Variants in LRP1B observed in about 807,000 individuals in gnomAD.
LRP1B encodes low-density lipoprotein receptor-related protein 1B.
Under a neutral mutation model 556.6 loss-of-function variants are expected in LRP1B, and 217 were observed. The observed-to-expected ratio is 0.39, with a 90% CI of 0.35 to 0.44. LRP1B has a LOEUF of 0.44. LRP1B is among the 20% of genes least tolerant of loss of function. LRP1B has a pLI of 1.00. For synonymous variants in LRP1B, 2,047 were observed against 1,865.8 expected (o/e 1.10, Z -2.50); for missense variants, 5,053 against 5,620.8 (o/e 0.90, Z 3.23).
At chr2:140,939,367 A>G (rs936644438) in intron 20 of LRP1B, among the ~76,000 whole-genome samples, 23 of 151,698 alleles carry the variant, frequency 1.5e-4, no homozygotes, top group African/African-American at 4.6e-4. Flanking sequence ...AAGCAAAGAT[A>G]AACAGTTAAA....
intron 35 of LRP1B, among the ~76,000 whole-genome samples, chr2:140,758,382 G>A (rs754085594): frequency 6.6e-6 from 1 of 151,938 alleles, no homozygotes; most frequent in Non-Finnish European, 1.5e-5. Context: ...AATAGTTGCT[G>A]TCTGTGTTGT....
chr2:141,035,142 G>A (rs975104075), intron 11 of LRP1B, among the ~76,000 whole-genome samples: 4 of 151,828 alleles, frequency 2.6e-5, no homozygotes, highest in Non-Finnish European at 4.4e-5. Context: ...ACTCATAGAT[G>A]GGAATTGAAC....
At chr2:141,186,412 T>C (rs1442383843) in intron 7 of LRP1B, among the ~76,000 whole-genome samples, 4 of 151,878 alleles carry the variant, frequency 2.6e-5, no homozygotes. Context: ...AAAGGAAAAA[T>C]CTCCTGTTCC....
chr2:140,763,095 A>AT (rs1332672231), intron 35 of LRP1B, among the ~76,000 whole-genome samples: 1 of 152,150 alleles, frequency 6.6e-6, no homozygotes, highest in Non-Finnish European at 1.5e-5. Context: ...TGACCTATCT[A>AT]TAAAAAATAC....
intron 2 of LRP1B, among the ~76,000 whole-genome samples, chr2:141,548,981 T>C (rs190452566): frequency 3.9e-5 from 6 of 152,278 alleles, no homozygotes; most frequent in Admixed American, 6.5e-5. Flanking sequence ...GTTGGAAAGA[T>C]ATACAGTTAT....
At chr2:141,639,341 T>TCC (rs1689231589) in intron 2 of LRP1B, among the ~76,000 whole-genome samples, 1 of 57,676 alleles carries the variant, frequency 1.7e-5, no homozygotes, top group Non-Finnish European at 3.0e-5. Context: ...TATATATATA[T>TCC]ATATATATAC....
At chr2:141,127,011 C>G (rs1666409963) in intron 7 of LRP1B, among the ~76,000 whole-genome samples, 1 of 151,554 alleles carries the variant, frequency 6.6e-6, no homozygotes, top group African/African-American at 2.4e-5. Flanking sequence ...CCCTCCCCCA[C>G]CCCTCACCCC....
intron 12 of LRP1B, among the ~76,000 whole-genome samples, chr2:141,017,775 G>T (rs558931282): frequency 2.6e-5 from 4 of 151,628 alleles, no homozygotes; most frequent in Admixed American, 2.6e-4. Flanking sequence ...CAAGCGAATT[G>T]CTTGAGCCCA....
At chr2:141,766,998 GAACAT>G (rs1340255352) in intron 2 of LRP1B, among the ~76,000 whole-genome samples, 2 of 152,048 alleles carry the variant, frequency 1.3e-5, no homozygotes, top group African/African-American at 4.8e-5. Flanking sequence ...CAAAAGGAGA[GAACAT>G]AACAATTTTT....
chr2:140,808,896 C>T (rs1168892767), intron 32 of LRP1B, among the ~76,000 whole-genome samples: 1 of 152,096 alleles, frequency 6.6e-6, no homozygotes, highest in African/African-American at 2.4e-5. Flanking sequence ...AGAAAACCTT[C>T]GTAGAAAATC....
chr2:140,402,747 T>A (rs72896289), intron 66 of LRP1B, among the ~76,000 whole-genome samples: 1 of 152,096 alleles, frequency 6.6e-6, no homozygotes. Context: ...TCTGACAACA[T>A]TGGGTATTGC....
At chr2:141,108,342 T>A (rs1479719601) in intron 7 of LRP1B, among the ~76,000 whole-genome samples, 10 of 113,398 alleles carry the variant, frequency 8.8e-5, no homozygotes, top group Non-Finnish European at 1.3e-4. Flanking sequence ...TTCTTTTTTT[T>A]TTTTTTTTTT....
At chr2:141,663,646 T>G (rs1690309230) in intron 2 of LRP1B, among the ~76,000 whole-genome samples, 1 of 152,046 alleles carries the variant, frequency 6.6e-6, no homozygotes. Context: ...AGGAAGAAGT[T>G]GAATCCCTGA....
intron 1 of LRP1B, among the ~76,000 whole-genome samples, chr2:142,056,795 CTTTCT>C (rs1251924432): frequency 1.3e-5 from 2 of 151,990 alleles, no homozygotes; most frequent in East Asian, 1.9e-4. Context: ...AAATGTAGAT[CTTTCT>C]TTTGTGTATT....
rs192979311 is a variant in LRP1B at position 140,404,568 on chromosome 2, A to G, written c.10415-18559T>C. Among the ~76,000 whole-genome samples, 390 of 152,254 alleles carry G rather than the reference A, an allele frequency of 2.6e-3. 2 individuals are homozygous for G. Among genetic ancestry groups the G allele is most frequent in the African/African-American group, 8.9e-3 (369 of 41,562 alleles). On this transcript the variant is annotated intron_variant, in intron 66 of 90. Coordinates refer to ENST00000389484, the MANE Select transcript of LRP1B (RefSeq NM_018557.3). ...TGACTGACATGATGAATAGATCAAT[A>G]CCTCACATATCAATATTAATGTTGA...
chr2:141,300,534 G>A (rs1172496322), intron 3 of LRP1B, among the ~76,000 whole-genome samples: 3 of 152,164 alleles, frequency 2.0e-5, no homozygotes, highest in African/African-American at 2.4e-5. Context: ...CAAATTGATA[G>A]CCTCAATGTT....
Position 141,700,595 on chromosome 2 carries a change from C to T in LRP1B, c.205+109684G>A, listed in dbSNP as rs891467738. On this transcript the variant is annotated intron_variant, in intron 2 of 90. Coordinates refer to ENST00000389484, the MANE Select transcript of LRP1B (RefSeq NM_018557.3). ...AGGCCTCAGAAGCAAAAGGTTTTCT[C>T]TTACCTTCTCCTGCGCTATTTCTCA... Among the ~76,000 whole-genome samples the T allele has an allele frequency of 2.7e-4, 41 of 151,774 alleles. 3 individuals carry two copies. Among genetic ancestry groups the T allele is most frequent in the Non-Finnish European group, 5.9e-5 (4 of 67,844 alleles).
Position 141,544,337 on chromosome 2 carries a change from C to CTTCTTCTTCTTCTTCTT in LRP1B, c.206-63821_206-63805dup, listed in dbSNP as rs1685433626. 6.0e-4 allele frequency among the ~76,000 whole-genome samples: 40 copies of CTTCTTCTTCTTCTTCTT among 67,222 alleles called. 1 individual carries two copies. The highest frequency in any genetic ancestry group is 1.4e-3 in the African/African-American group (25 of 17,492). The allele number at this position is 67,222 out of a possible 152,430, so 44.1% of individuals were successfully genotyped here. A position where few individuals can be genotyped will look rare whatever the true frequency, so the allele number is the denominator to read the frequency against. On this transcript the variant is annotated intron_variant, in intron 2 of 90. Coordinates refer to ENST00000389484, the MANE Select transcript of LRP1B (RefSeq NM_018557.3). ...TCTTCTTCTTCTTCTTCTTCTTCTT[C>CTTCTTCTTCTTCTTCTT]TTCTTCTTCTTCTTCTTCTTCTTCT... is the stretch of plus-strand genomic sequence containing the variant.
chr2:140,735,278 C>T (rs1002200788), intron 35 of LRP1B, among the ~76,000 whole-genome samples: 3 of 152,146 alleles, frequency 2.0e-5, no homozygotes, highest in Admixed American at 1.3e-4. Context: ...AAAAAGGAAA[C>T]AATGCCTATA....
Sources: gnomAD v4.1 joint callset for allele counts (sites outside exome capture counted in the v4.1 genomes callset) on GRCh38, gnomAD v4.1.1 for gene constraint, MANE v1.5 for transcripts, NCBI Gene and HGNC (gene_info 2026-07-23, HGNC 2026-07-21) for gene names.